OR1R1: variants seen among roughly 807,000 people sequenced by gnomAD.
OR1R1 encodes the protein olfactory receptor family 1 subfamily R member 1.
chr17:3,386,585 G>T, the OR1R1 span: 7 of 398,424 alleles, frequency 1.8e-5, no homozygotes, highest in East Asian at 2.5e-4. Flanking sequence ...CTTTTCCTAC[G>T]CGCGCATCCT....
the OR1R1 span, chr17:3,386,564 T>G: frequency 2.5e-6 from 1 of 398,284 alleles, no homozygotes; most frequent in East Asian, 3.6e-5. Flanking sequence ...GCCCCGCTGC[T>G]CCTCGTGTTC....
chr17:3,386,225 C>A, the OR1R1 span: 1 of 398,782 alleles, frequency 2.5e-6, no homozygotes, highest in East Asian at 3.6e-5. Context: ...GCGTGCTTTG[C>A]CGAGATGTAC....
the OR1R1 span, chr17:3,386,344 T>C: frequency 2.5e-6 from 1 of 398,280 alleles, no homozygotes. Flanking sequence ...GGTGACGCCA[T>C]GGCGCTGCGC....
the OR1R1 span, chr17:3,386,565 C>T: frequency 2.5e-6 from 1 of 398,464 alleles, no homozygotes; most frequent in Non-Finnish European, 4.4e-6. Context: ...CCCCGCTGCT[C>T]CTCGTGTTCC....
the OR1R1 span, chr17:3,386,370 G>A: frequency 2.5e-6 from 1 of 398,304 alleles, no homozygotes; most frequent in Non-Finnish European, 4.4e-6. Flanking sequence ...TGGTGCGTGC[G>A]TCGTGGGCCG....
the OR1R1 span, chr17:3,386,265 C>T: frequency 7.5e-6 from 3 of 398,788 alleles, no homozygotes; most frequent in Non-Finnish European, 8.8e-6. Context: ...TCACCGAGAG[C>T]TACCTCCTGG....
chr17:3,386,377 G>T, the OR1R1 span: 1 of 398,304 alleles, frequency 2.5e-6, no homozygotes, highest in Non-Finnish European at 4.4e-6. Context: ...TGCGTCGTGG[G>T]CCGTGACGCA....
the OR1R1 span, chr17:3,386,395 T>TCGCTGCTGCACA: frequency 1.0e-5 from 4 of 398,288 alleles, no homozygotes; most frequent in Non-Finnish European, 1.3e-5. Context: ...GCACCTGCAC[T>TCGCTGCTGCACA]CGCTGCTGCA....
the OR1R1 span, chr17:3,386,787 C>G: frequency 5.0e-6 from 2 of 398,548 alleles, no homozygotes. Context: ...CGACCTTGAA[C>G]CCTTTCATCA....
the OR1R1 span, chr17:3,386,811 C>A: frequency 5.0e-6 from 2 of 398,496 alleles, no homozygotes; most frequent in Non-Finnish European, 8.8e-6. Context: ...GCCTTCGCAA[C>A]AAAGAGGTCA....
At chr17:3,386,088 G>C in the OR1R1 span, 3 of 398,482 alleles carry the variant, frequency 7.5e-6, no homozygotes, top group Non-Finnish European at 1.3e-5. Context: ...GATCCGACGG[G>C]GCCCTCCGCT....
chr17:3,386,388 C>CCTGCACTCGCTG, the OR1R1 span: 2 of 398,334 alleles, frequency 5.0e-6, no homozygotes, highest in Non-Finnish European at 8.9e-6. Flanking sequence ...CCGTGACGCA[C>CCTGCACTCGCTG]CTGCACTCGC....
chr17:3,386,701 G>C, the OR1R1 span: 1 of 398,500 alleles, frequency 2.5e-6, no homozygotes, highest in East Asian at 3.6e-5. Context: ...TGTCCTCTCC[G>C]TGTATTTCCC....
the OR1R1 span, chr17:3,386,285 C>A: frequency 1.5e-5 from 6 of 398,522 alleles, no homozygotes; most frequent in Admixed American, 8.8e-5. Context: ...GCGGCCATGT[C>A]CTACGACCGC....
the OR1R1 span, chr17:3,386,341 C>A: frequency 2.5e-6 from 1 of 398,338 alleles, no homozygotes; most frequent in Non-Finnish European, 4.4e-6. Flanking sequence ...GCTGGTGACG[C>A]CATGGCGCTG....
chr17:3,386,302 G>A, the OR1R1 span: 3 of 398,396 alleles, frequency 7.5e-6, no homozygotes, highest in East Asian at 3.6e-5. Flanking sequence ...CCGCCCGACG[G>A]CGGCGTGCCG....
the OR1R1 span, chr17:3,386,101 C>G: frequency 2.5e-6 from 1 of 398,786 alleles, no homozygotes; most frequent in African/African-American, 2.1e-5. Context: ...CCTCCGCTCC[C>G]CCATGTATTA....
the OR1R1 span, chr17:3,386,001 C>G: frequency 2.5e-6 from 1 of 398,778 alleles, no homozygotes; most frequent in Non-Finnish European, 4.4e-6. Context: ...CAGACGCCCA[C>G]CCGCTGCTGT....
the OR1R1 span, chr17:3,386,658 A>AGTGGCGGTGGCG: frequency 2.5e-5 from 10 of 397,518 alleles, no homozygotes; most frequent in Admixed American, 1.3e-4. Context: ...GGGCCCACCT[A>AGTGGCGGTGGCG]GTGGCGGTGG....
Sources: allele counts gnomAD v4.1 joint callset, GRCh38; gene constraint gnomAD v4.1.1; transcripts MANE v1.5; gene names NCBI Gene and HGNC (gene_info 2026-07-23, HGNC 2026-07-21).